ELAVL4: variants seen among roughly 807,000 people sequenced by gnomAD.
ELAVL4 encodes the protein ELAV-like protein 4.
In ELAVL4, 1 loss-of-function variant was observed where a neutral mutation model predicts 35.6. The observed-to-expected ratio is 0.03, with a 90% confidence interval of 0.01 to 0.13. The LOEUF (loss-of-function observed/expected upper bound fraction) is 0.13, where lower values mean the gene tolerates loss of function less well. Ranked by LOEUF, ELAVL4 falls within the 10% of genes least tolerant of loss-of-function variation. The probability of loss-of-function intolerance (pLI) is 1.00; values close to 1 mark genes in which losing one functional copy is unlikely to be tolerated. For synonymous variants in ELAVL4, 156 were observed against 171.0 expected, an observed-to-expected ratio of 0.91 and a Z score of 0.69; for missense variants, 267 against 464.9, an observed-to-expected ratio of 0.57 and a Z score of 3.91.
intron 1 of ELAVL4, among the ~76,000 whole-genome samples, chr1:50,080,622 T>A (rs1347528055): frequency 6.6e-6 from 1 of 152,210 alleles, no homozygotes; most frequent in Non-Finnish European, 1.5e-5. Context: ...AGCAAAGCTC[T>A]TATGTTCCCT....
At chr1:50,165,517 A>G (rs1249426799) in intron 2 of ELAVL4, among the ~76,000 whole-genome samples, 5 of 150,102 alleles carry the variant, frequency 3.3e-5, no homozygotes, top group African/African-American at 4.9e-5. Flanking sequence ...CTATGCATAT[A>G]TACGTATATA....
intron 3 of ELAVL4, 29 bp downstream of exon 3, chr1:50,177,221 C>T: frequency 6.5e-7 from 1 of 1,545,656 alleles, no homozygotes; most frequent in South Asian, 1.1e-5. Flanking sequence ...GCTCCTGATT[C>T]AGGAGGCTCT....
chr1:50,198,248 G>C (rs1318884995), intron 6 of ELAVL4, among the ~76,000 whole-genome samples: 1 of 152,146 alleles, frequency 6.6e-6, no homozygotes, highest in Non-Finnish European at 1.5e-5. Flanking sequence ...TATGAAATCT[G>C]AATCTTGGAA....
At chr1:50,111,040 G>T (rs1666983364) in intron 1 of ELAVL4, among the ~76,000 whole-genome samples, 1 of 152,008 alleles carries the variant, frequency 6.6e-6, no homozygotes, top group African/African-American at 2.4e-5. Context: ...TTAATTATTC[G>T]TTATTAATAG....
intron 1 of ELAVL4, among the ~76,000 whole-genome samples, chr1:50,086,473 C>CTT (rs1166933481): frequency 1.1e-5 from 1 of 92,446 alleles, no homozygotes; most frequent in African/African-American, 4.4e-5. Flanking sequence ...AACCATTCAG[C>CTT]TTTTATATAT....
chr1:50,078,106 T>G (rs1164512265), intron 1 of ELAVL4, among the ~76,000 whole-genome samples: 1 of 144,970 alleles, frequency 6.9e-6, no homozygotes, highest in Non-Finnish European at 1.5e-5. Flanking sequence ...AATATATACC[T>G]TGTGTGTGTG....
rs1305904903 is a variant in ELAVL4 at position 50,200,729 on chromosome 1, C to T, written c.774-122C>T. On this transcript the variant is annotated intron_variant, in intron 6 of 6. Coordinates refer to ENST00000371824, the MANE Select transcript of ELAVL4 (RefSeq NM_001144774.3). Reference sequence around the variant, plus strand: ...GTTTTTACATTTTGGTTTTTGAACCCTGAAGACTCTCCTGTAAACACTCAC... The same window carrying T: ...GTTTTTACATTTTGGTTTTTGAACCTTGAAGACTCTCCTGTAAACACTCAC... 4.6e-6 allele frequency: 7 copies of T among 1,513,416 alleles called. No homozygotes were observed. The East Asian group carries it at 1.1e-4, about 25-fold the overall frequency. The allele number at this position is 1,513,416 out of a possible 1,614,324, so 93.7% of individuals were successfully genotyped here. A position where few individuals can be genotyped will look rare whatever the true frequency, so the allele number is the denominator to read the frequency against.
Position 50,202,566 on chromosome 1 carries a change from T to G in ELAVL4, c.*1388T>G, listed in dbSNP as rs949962351. On this transcript the variant is annotated 3_prime_UTR_variant, in exon 7 of 7. Transcript: ENST00000371824. ...GATGTGATGATGCCTATGGCCGAGA[T>G]CAAATATAGCTAGATTGGCTAGACT... is the stretch of plus-strand genomic sequence containing the variant. The G allele has an allele frequency of 2.0e-5, 3 of 152,174 alleles. No homozygotes were observed. The highest frequency in any genetic ancestry group is 4.4e-5 in the Non-Finnish European group (3 of 68,020). The allele number at this position is 152,174 out of a possible 1,614,324, so 9.4% of individuals were successfully genotyped here.
chr1:50,132,969 A>G (rs1445762260), intron 1 of ELAVL4, among the ~76,000 whole-genome samples: 1 of 152,114 alleles, frequency 6.6e-6, no homozygotes, highest in Non-Finnish European at 1.5e-5. Flanking sequence ...TCAATCTTTT[A>G]TTTCACTTCT....
At chr1:50,109,903 GAC>G (rs1572203335) in intron 1 of ELAVL4, 8 of 1,611,718 alleles carry the variant, frequency 5.0e-6, no homozygotes, top group Middle Eastern at 1.7e-4. Context: ...TTCCGCTTTT[GAC>G]ACACTGTGTG....
intron 1 of ELAVL4, among the ~76,000 whole-genome samples, chr1:50,116,628 T>C (rs1490986784): frequency 1.3e-5 from 2 of 152,038 alleles, no homozygotes; most frequent in Admixed American, 1.3e-4. Context: ...GATGCAGCAG[T>C]AGTAAATACT....
At chr1:50,187,457 A>G (rs1000233649) in intron 3 of ELAVL4, among the ~76,000 whole-genome samples, 2 of 152,242 alleles carry the variant, frequency 1.3e-5, no homozygotes, top group Admixed American at 6.5e-5. Flanking sequence ...GATGCAGCTC[A>G]GAAAGGTTAA....
chr1:50,151,448 T>G (rs1674771707), intron 2 of ELAVL4, among the ~76,000 whole-genome samples: 1 of 152,126 alleles, frequency 6.6e-6, no homozygotes, highest in Non-Finnish European at 1.5e-5. Flanking sequence ...TTTCGTGAAA[T>G]ACTCTTCAGT....
chr1:50,116,902 G>A (rs1019623655), intron 1 of ELAVL4, among the ~76,000 whole-genome samples: 3 of 151,886 alleles, frequency 2.0e-5, no homozygotes, highest in Admixed American at 6.6e-5. Context: ...TTGATGCACT[G>A]GGTACAGATA....
At chr1:50,186,566 G>A (rs1182236178) in intron 3 of ELAVL4, among the ~76,000 whole-genome samples, 1 of 152,202 alleles carries the variant, frequency 6.6e-6, no homozygotes, top group Non-Finnish European at 1.5e-5. Flanking sequence ...TTCAGTATGG[G>A]CTTAGAAAGA....
At chr1:50,096,547 GAATA>G (rs965347816) in intron 1 of ELAVL4, among the ~76,000 whole-genome samples, 2 of 151,754 alleles carry the variant, frequency 1.3e-5, no homozygotes, top group African/African-American at 4.8e-5. Flanking sequence ...ATGCCGTACT[GAATA>G]ATTGGCCTTG....
At chr1:50,112,322 G>A (rs529477708) in intron 1 of ELAVL4, among the ~76,000 whole-genome samples, 1 of 151,938 alleles carries the variant, frequency 6.6e-6, no homozygotes, top group East Asian at 1.9e-4. Flanking sequence ...TTTAGTTAGG[G>A]GAAAATAATT....
chr1:50,078,938 T>C (rs1439944199), intron 1 of ELAVL4, among the ~76,000 whole-genome samples: 2 of 152,176 alleles, frequency 1.3e-5, no homozygotes, highest in Non-Finnish European at 2.9e-5. Flanking sequence ...CATTTTTCCA[T>C]CTCCTACCTG....
chr1:50,195,551 C>CT lies in ELAVL4; in HGVS notation c.509-7dup. The CT allele has an allele frequency of 6.2e-7, 1 of 1,613,622 alleles. No individual in the cohort carries two copies. Among genetic ancestry groups the CT allele is most frequent in the Non-Finnish European group, 8.5e-7 (1 of 1,179,558 alleles). The stretch of plus-strand genomic sequence containing the variant: ...TTCACTCTTTACAAAGGCTCTTTCT[C>CT]TTTCCCCAGGAGTGTCCAGAGGGGT... On this transcript the variant is annotated splice_polypyrimidine_tract_variant and intron_variant, in intron 4 of 6. Coordinates refer to ENST00000371824, the MANE Select transcript of ELAVL4 (RefSeq NM_001144774.3).
Sources: allele counts gnomAD v4.1 joint callset (sites outside exome capture counted in the v4.1 genomes callset), GRCh38; gene constraint gnomAD v4.1.1; transcripts MANE v1.5; gene names NCBI Gene and HGNC (gene_info 2026-07-23, HGNC 2026-07-21).